The following MAP2K1 variants were observed in gnomAD, a reference collection of about 807,000 sequenced individuals.
The protein encoded by MAP2K1 is mitogen-activated protein kinase kinase 1.
MAP2K1 carries 16 observed loss-of-function variants against 46.3 expected under a neutral mutation model. The observed-to-expected ratio is 0.35, with a 90% CI of 0.23 to 0.52. The LOEUF is 0.52. MAP2K1 is among the 20% of genes least tolerant of loss of function. The pLI, the probability that MAP2K1 is intolerant of heterozygous loss-of-function variation, is 0.94. For synonymous variants in MAP2K1, 183 were observed against 185.6 expected (o/e 0.99, Z 0.11); for missense variants, 263 against 497.1 (o/e 0.53, Z 4.48).
chr15:66,435,436 C>T lies in MAP2K1; in HGVS notation c.291+199C>T, dbSNP rs66975215. Among the ~76,000 whole-genome samples, 17,979 of 151,030 alleles carry T rather than the reference C, an allele frequency of 0.12. 1,176 individuals are homozygous for T. The highest frequency in any genetic ancestry group is 0.15 in the Non-Finnish European group (10,055 of 67,842). On this transcript the variant is annotated intron_variant, in intron 2 of 10. Coordinates refer to ENST00000307102, the MANE Select transcript of MAP2K1 (RefSeq NM_002755.4). Reference sequence around the variant, plus strand: ...CATCTCCTGGGTTCAAACGATTCTCCTGCCTCAGCCTCCTGAGTAGCTGGG... The same window carrying T: ...CATCTCCTGGGTTCAAACGATTCTCTTGCCTCAGCCTCCTGAGTAGCTGGG...
At chr15:66,488,452 A>G (rs1214861415) in intron 8 of MAP2K1, among the ~76,000 whole-genome samples, 2 of 152,146 alleles carry the variant, frequency 1.3e-5, no homozygotes, top group African/African-American at 2.4e-5. Context: ...GACATCATGG[A>G]CATTATGTCT....
chr15:66,435,681 AC>A (rs2093486147), intron 2 of MAP2K1, among the ~76,000 whole-genome samples: 1 of 152,198 alleles, frequency 6.6e-6, no homozygotes, highest in Non-Finnish European at 1.5e-5. Context: ...GGATAAACAC[AC>A]TAATGACTGT....
At chr15:66,489,432 G>C (rs893955439) in intron 9 of MAP2K1, 156 bp downstream of exon 9, 1 of 759,082 alleles carries the variant, frequency 1.3e-6, no homozygotes, top group Non-Finnish European at 2.3e-6. Context: ...CCCTTTTTTA[G>C]AGTGCCAAGA....
intron 1 of MAP2K1, among the ~76,000 whole-genome samples, chr15:66,420,755 G>GTATATATA (rs2093436854): frequency 2.8e-5 from 1 of 35,906 alleles, no homozygotes; most frequent in African/African-American, 8.5e-5. Context: ...GTGTGTGTGT[G>GTATATATA]TGTGTATGTG....
At chr15:66,460,339 CTT>C (rs1892286480) in intron 5 of MAP2K1, among the ~76,000 whole-genome samples, 1 of 152,162 alleles carries the variant, frequency 6.6e-6, no homozygotes. Context: ...GCTTAGATCT[CTT>C]TAGGGAAGCA....
At position 66,410,386 on chromosome 15, in the gene MAP2K1, G is replaced by C. The variant is rs111923341; in HGVS notation, c.80+22959G>C. On this transcript the variant is annotated intron_variant, in intron 1 of 10. Coordinates refer to ENST00000307102, the MANE Select transcript of MAP2K1 (RefSeq NM_002755.4). ...TCCTAGGGGTTAACTGTGTGGGTTT[G>C]AGCGATAGGATTTAACTTTTAGGAA... 8.9e-4 allele frequency among the ~76,000 whole-genome samples: 136 copies of C among 152,258 alleles called. 2 individuals are homozygous for C. Among genetic ancestry groups the C allele is most frequent in the Middle Eastern group, 3.4e-3 (1 of 294 alleles).
chr15:66,411,083 GTTCTTGAGGT>G (rs1436540498), intron 1 of MAP2K1, among the ~76,000 whole-genome samples: 2 of 151,718 alleles, frequency 1.3e-5, no homozygotes, highest in African/African-American at 4.8e-5. Context: ...CTTGATAACT[GTTCTTGAGGT>G]TTCTTTTTTT....
At position 66,413,673 on chromosome 15, in the gene MAP2K1, G is replaced by C. The variant is rs536292930; in HGVS notation, c.81-21354G>C. Among the ~76,000 whole-genome samples, 12 of 151,950 alleles carry C rather than the reference G, an allele frequency of 7.9e-5. No individual in the cohort carries two copies. In the East Asian group the frequency reaches 2.3e-3, roughly 29 times the overall value. On this transcript the variant is annotated intron_variant, in intron 1 of 10. Coordinates refer to ENST00000307102, the MANE Select transcript of MAP2K1 (RefSeq NM_002755.4). ...GTGTTTATTGTATACCTCACACTGG[G>C]TTAGACTCAAGTTTGGGGGATACTT...
intron 5 of MAP2K1, among the ~76,000 whole-genome samples, chr15:66,453,743 A>G (rs191619769): frequency 2.0e-5 from 3 of 152,254 alleles, no homozygotes; most frequent in African/African-American, 7.2e-5. Flanking sequence ...CTCTGCCTCA[A>G]ATTTTTATTT....
intron 1 of MAP2K1, among the ~76,000 whole-genome samples, chr15:66,399,464 T>G (rs1290999763): frequency 4.0e-5 from 6 of 151,676 alleles, no homozygotes; most frequent in Admixed American, 4.0e-4. Flanking sequence ...TCTTTTTTTT[T>G]GAGATAGGAT....
intron 5 of MAP2K1, among the ~76,000 whole-genome samples, chr15:66,478,860 A>G (rs555323276): frequency 6.6e-6 from 1 of 152,272 alleles, no homozygotes; most frequent in African/African-American, 2.4e-5. Flanking sequence ...CTCACAATAA[A>G]ATTTAAGCTT....
chr15:66,428,833 G>T (rs1331145366), intron 1 of MAP2K1, among the ~76,000 whole-genome samples: 2 of 129,670 alleles, frequency 1.5e-5, no homozygotes, highest in Non-Finnish European at 3.1e-5. Context: ...AGGCTAGAGT[G>T]CAGTGACGCG....
rs116909766 is a variant in MAP2K1, at chr15:66,460,983, C to T, written c.568+16276C>T. 1.9e-4 allele frequency among the ~76,000 whole-genome samples: 29 copies of T among 152,246 alleles called. No individual in the cohort carries two copies. In the East Asian group the frequency reaches 5.6e-3, roughly 29 times the overall value. On this transcript the variant is annotated intron_variant, in intron 5 of 10. Transcript: ENST00000307102. ...GTACGTGGAGAGCTGTGTTCTCCTC[C>T]TCCTCAGATCACAAAGCCTCATTTC...
At chr15:66,440,734 A>G (rs1248284757) in intron 3 of MAP2K1, among the ~76,000 whole-genome samples, 1 of 152,208 alleles carries the variant, frequency 6.6e-6, no homozygotes, top group East Asian at 1.9e-4. Flanking sequence ...CCATTGACTT[A>G]GTTAATAATT....
rs757459909 is a variant in MAP2K1 at position 66,485,099 on chromosome 15, C to T, written c.803C>T (p.Ala268Val). ...VGRYPIPPPD[A>V]KELELMFGCQ... ...AGGTATCCCATCCCTCCTCCAGATG[C>T]CAAGGAGCTGGAGCTGATGTTTGGG... is the stretch of plus-strand genomic sequence containing the variant. The change falls in exon 7 of 11, where the codon GCC becomes GTC. Residue 268 changes from alanine (A) to valine (V), a missense_variant. By Grantham distance (64) the Ala-to-Val change is moderately conservative. Around this residue, in one of 4 missense-constraint regions of MAP2K1, gnomAD observed 118 missense variants for 193.0 expected, o/e 0.61. Transcript: ENST00000307102. The T allele has an allele frequency of 6.2e-7, 1 of 1,614,006 alleles. No individual in the cohort carries two copies. The highest frequency in any genetic ancestry group is 1.7e-5 in the Admixed American group (1 of 60,018).
intron 5 of MAP2K1, among the ~76,000 whole-genome samples, chr15:66,455,007 G>T (rs935246557): frequency 2.0e-5 from 3 of 152,152 alleles, no homozygotes; most frequent in African/African-American, 7.2e-5. Flanking sequence ...GCTCAGTCAG[G>T]CAGAGAAATA....
intron 1 of MAP2K1, among the ~76,000 whole-genome samples, chr15:66,431,855 C>A (rs1216785205): frequency 6.6e-6 from 1 of 152,132 alleles, no homozygotes; most frequent in African/African-American, 2.4e-5. Flanking sequence ...CTCTCCTCCC[C>A]CACTGACAGG....
At chr15:66,456,656 C>T (rs1022795149) in intron 5 of MAP2K1, among the ~76,000 whole-genome samples, 1 of 152,224 alleles carries the variant, frequency 6.6e-6, no homozygotes, top group African/African-American at 2.4e-5. Flanking sequence ...GTTTGAACCA[C>T]TGATTGGCAG....
intron 6 of MAP2K1, among the ~76,000 whole-genome samples, chr15:66,484,139 A>AC (rs371480535): frequency 0.083 from 11,738 of 141,180 alleles, 1,174 homozygotes; most frequent in African/African-American, 0.25. Flanking sequence ...ATCAGCCACC[A>AC]CCCCCCCCCA....
Sources: allele counts gnomAD v4.1 joint callset (sites outside exome capture counted in the v4.1 genomes callset), GRCh38; gene constraint gnomAD v4.1.1; regional missense constraint gnomAD v4.1.1; transcripts MANE v1.5; gene names NCBI Gene and HGNC (gene_info 2026-07-23, HGNC 2026-07-21).